The following PTPRD variants were observed in gnomAD, a reference collection of about 807,000 sequenced individuals.
The protein encoded by PTPRD is receptor-type tyrosine-protein phosphatase delta.
A neutral mutation model predicts 214.5 loss-of-function variants in PTPRD; 34 were observed. That is an observed-to-expected ratio of 0.16 (90% confidence interval 0.12 to 0.21). The LOEUF is 0.21. Among genes scored for constraint, PTPRD ranks in the 10% least tolerant of loss-of-function variants. The pLI is 1.00. For synonymous variants in PTPRD, 1,128 were observed against 845.7 expected (o/e 1.33, Z -5.79); for missense variants, 2,545 against 2,398.7 (o/e 1.06, Z -1.27).
At chr9:9,927,565 T>C (rs186629815) in intron 5 of PTPRD, among the ~76,000 whole-genome samples, 1 of 152,130 alleles carries the variant, frequency 6.6e-6, no homozygotes, top group African/African-American at 2.4e-5. Flanking sequence ...TCTCCTTATC[T>C]TTTAGCACCT....
chr9:8,840,591 C>A (rs186199416), intron 11 of PTPRD, among the ~76,000 whole-genome samples: 31 of 152,268 alleles, frequency 2.0e-4, no homozygotes, highest in Admixed American at 9.8e-4. Flanking sequence ...CTTACTCCAC[C>A]ACCTGTTGAA....
At chr9:10,099,342 G>T (rs989952191) in intron 3 of PTPRD, among the ~76,000 whole-genome samples, 5 of 150,540 alleles carry the variant, frequency 3.3e-5, no homozygotes, top group African/African-American at 1.2e-4. Context: ...CTCCAAAAGG[G>T]TTGGTGAGAA....
At chr9:9,458,211 T>C (rs1466910763) in intron 8 of PTPRD, among the ~76,000 whole-genome samples, 1 of 152,018 alleles carries the variant, frequency 6.6e-6, no homozygotes, top group Non-Finnish European at 1.5e-5. Flanking sequence ...AAGTACCATG[T>C]AATAACATGA....
chr9:9,778,147 G>C (rs1430133996), intron 5 of PTPRD, among the ~76,000 whole-genome samples: 3 of 152,182 alleles, frequency 2.0e-5, no homozygotes, highest in Non-Finnish European at 2.9e-5. Flanking sequence ...AAAAAGCTGT[G>C]GTGGATGGAG....
At chr9:10,466,325 T>C (rs2098993009) in intron 2 of PTPRD, among the ~76,000 whole-genome samples, 1 of 152,048 alleles carries the variant, frequency 6.6e-6, no homozygotes, top group African/African-American at 2.4e-5. Flanking sequence ...AAGATAAATA[T>C]CATAAAAGAA....
intron 10 of PTPRD, among the ~76,000 whole-genome samples, chr9:9,078,631 G>C (rs866408511): frequency 1.3e-5 from 2 of 150,690 alleles, no homozygotes; most frequent in Non-Finnish European, 3.0e-5. Context: ...TGGGAAAGGA[G>C]TTGTGTTTAG....
Position 8,778,790 on chromosome 9 carries a change from T to A in PTPRD, c.-103-44844A>T, listed in dbSNP as rs369283599. On this transcript the variant is annotated intron_variant, in intron 11 of 45. Coordinates refer to ENST00000381196, the MANE Select transcript of PTPRD (RefSeq NM_002839.4). ...CTACAATATTCATCCACTCTGAGCT[T>A]CAGTTTTATCACATAAAAATGGAAA... 3.3e-5 allele frequency among the ~76,000 whole-genome samples: 5 copies of A among 152,294 alleles called. No homozygotes were observed. In the East Asian group the frequency reaches 7.7e-4, roughly 24 times the overall value.
At chr9:9,830,442 T>A (rs1325712296) in intron 5 of PTPRD, among the ~76,000 whole-genome samples, 1 of 151,950 alleles carries the variant, frequency 6.6e-6, no homozygotes, top group Admixed American at 6.6e-5. Flanking sequence ...ACATAAAGTA[T>A]GATCCTATTT....
At chr9:8,904,331 G>C (rs1209585487) in intron 11 of PTPRD, among the ~76,000 whole-genome samples, 4 of 152,082 alleles carry the variant, frequency 2.6e-5, no homozygotes, top group Non-Finnish European at 4.4e-5. Context: ...CAAATTTCCT[G>C]TAAAAATTGT....
chr9:10,502,014 C>G (rs2043907628), intron 2 of PTPRD, among the ~76,000 whole-genome samples: 1 of 151,802 alleles, frequency 6.6e-6, no homozygotes, highest in South Asian at 2.1e-4. Flanking sequence ...TTGAGAACCA[C>G]TGCTATATAG....
At chr9:9,191,926 C>A (rs1337686831) in intron 9 of PTPRD, among the ~76,000 whole-genome samples, 1 of 151,800 alleles carries the variant, frequency 6.6e-6, no homozygotes, top group Non-Finnish European at 1.5e-5. Context: ...TTTGATTTGC[C>A]CATTAAGGAG....
At chr9:10,458,407 G>A (rs1328496896) in intron 2 of PTPRD, among the ~76,000 whole-genome samples, 1 of 152,070 alleles carries the variant, frequency 6.6e-6, no homozygotes, top group Non-Finnish European at 1.5e-5. Context: ...ATCAACCAAT[G>A]GATACATCAT....
chr9:9,117,923 G>A (rs1268496930), intron 10 of PTPRD, among the ~76,000 whole-genome samples: 1 of 152,086 alleles, frequency 6.6e-6, no homozygotes, highest in Non-Finnish European at 1.5e-5. Flanking sequence ...TGTGGCATCT[G>A]AAGTTTACAC....
chr9:8,833,277 T>A (rs1375974131), intron 11 of PTPRD, among the ~76,000 whole-genome samples: 1 of 152,146 alleles, frequency 6.6e-6, no homozygotes, highest in African/African-American at 2.4e-5. Flanking sequence ...TTATTAGCAT[T>A]GATTTGAGCA....
chr9:9,569,357 T>C (rs1359666000), intron 8 of PTPRD, among the ~76,000 whole-genome samples: 1 of 151,694 alleles, frequency 6.6e-6, no homozygotes, highest in Non-Finnish European at 1.5e-5. Context: ...GAGTTTCAAG[T>C]TTAAAAAGTC....
At chr9:9,657,006 A>G (rs1318818428) in intron 7 of PTPRD, among the ~76,000 whole-genome samples, 1 of 152,300 alleles carries the variant, frequency 6.6e-6, no homozygotes, top group Middle Eastern at 3.4e-3. Context: ...AGAGTTTAGC[A>G]TCATGTTTGA....
intron 8 of PTPRD, among the ~76,000 whole-genome samples, chr9:9,479,913 T>A (rs535862409): frequency 6.6e-5 from 10 of 152,160 alleles, no homozygotes; most frequent in Non-Finnish European, 1.5e-4. Context: ...TTATTTGGTA[T>A]ATAAACTATA....
At chr9:9,002,549 A>G (rs2099428436) in intron 11 of PTPRD, among the ~76,000 whole-genome samples, 1 of 152,116 alleles carries the variant, frequency 6.6e-6, no homozygotes, top group Admixed American at 6.6e-5. Flanking sequence ...TTTATAGTTT[A>G]GATAAACCTA....
At chr9:8,929,753 A>G (rs71490302) in intron 11 of PTPRD, among the ~76,000 whole-genome samples, 15 of 70,824 alleles carry the variant, frequency 2.1e-4, no homozygotes, top group African/African-American at 5.3e-4. Context: ...GTGTATATAT[A>G]TATGTATATA....
Sources: allele counts gnomAD v4.1 joint callset (sites outside exome capture counted in the v4.1 genomes callset), GRCh38; gene constraint gnomAD v4.1.1; transcripts MANE v1.5; gene names NCBI Gene and HGNC (gene_info 2026-07-23, HGNC 2026-07-21).